ST13: variants seen among roughly 807,000 people sequenced by gnomAD.
ST13 encodes hsc70-interacting protein.
A neutral mutation model predicts 56.7 loss-of-function variants in ST13; 23 were observed. The ratio of observed to expected loss-of-function variants is 0.41; its 90% CI spans 0.29 to 0.57. The LOEUF is 0.57. Among genes scored for constraint, ST13 ranks in the 20% least tolerant of loss-of-function variants. The probability of loss-of-function intolerance (pLI) is 0.36; values close to 1 mark genes in which losing one functional copy is unlikely to be tolerated. For missense variants in ST13, 369 were observed against 459.9 expected, an observed-to-expected ratio of 0.80 and a Z score of 1.81; for synonymous variants, 132 against 142.4, an observed-to-expected ratio of 0.93 and a Z score of 0.52.
At chr22:40,842,429 G>C (rs138205853) in intron 4 of ST13, among the ~76,000 whole-genome samples, 1 of 152,168 alleles carries the variant, frequency 6.6e-6, no homozygotes, top group Non-Finnish European at 1.5e-5. Context: ...TTCTGAAAAT[G>C]AGTAAAGAGC....
At chr22:40,839,879 A>G (rs2057794756) in intron 5 of ST13, among the ~76,000 whole-genome samples, 1 of 152,028 alleles carries the variant, frequency 6.6e-6, no homozygotes, top group Admixed American at 6.5e-5. Context: ...GGCTGGGCGC[A>G]GTGGTTCATG....
intron 5 of ST13, among the ~76,000 whole-genome samples, chr22:40,838,748 AAGACTCTG>A (rs1454697768): frequency 6.6e-6 from 1 of 152,146 alleles, no homozygotes; most frequent in East Asian, 1.9e-4. Flanking sequence ...GTGGCAGAGT[AAGACTCTG>A]TCTCTTAAAA....
chr22:40,839,740 C>T (rs115344452), intron 5 of ST13, among the ~76,000 whole-genome samples: 2,041 of 150,644 alleles, frequency 0.014, 41 homozygotes, highest in African/African-American at 0.047. Flanking sequence ...CCAGCCTGGA[C>T]GACAAAGCAC....
At chr22:40,828,389 G>C (rs11703643) in intron 10 of ST13, among the ~76,000 whole-genome samples, 68,164 of 150,772 alleles carry the variant, frequency 0.45, 16,125 homozygotes, top group Admixed American at 0.63. Context: ...CAGATCACGA[G>C]GTCAGGAGAT....
At position 40,844,917 on chromosome 22, in the gene ST13, A is replaced by G. The variant is rs1219099353; in HGVS notation, c.245-8T>C. The G allele has an allele frequency of 1.2e-6, 2 of 1,609,752 alleles. No individual in the cohort carries two copies. The highest frequency in any genetic ancestry group is 1.7e-6 in the Non-Finnish European group (2 of 1,177,370). On this transcript the variant is annotated splice_polypyrimidine_tract_variant and splice_region_variant and intron_variant, in intron 3 of 11. Coordinates refer to ENST00000216218, the MANE Select transcript of ST13 (RefSeq NM_003932.5). Reference sequence around the variant, plus strand: ...CACCTTCTTTATCAATTTCTGCCAAAGTCGAGAAAATGACAATAAGACCTG... The same window carrying G: ...CACCTTCTTTATCAATTTCTGCCAAGGTCGAGAAAATGACAATAAGACCTG...
intron 8 of ST13, among the ~76,000 whole-genome samples, chr22:40,831,283 T>G (rs2145733343): frequency 6.6e-6 from 1 of 152,330 alleles, no homozygotes; most frequent in African/African-American, 2.4e-5. Context: ...AGTGTTTAGG[T>G]TTCAGACGGA....
rs187164711 is a variant in ST13, at chr22:40,832,388, G to T, written c.681+181C>A. 3.3e-5 allele frequency among the ~76,000 whole-genome samples: 5 copies of T among 152,334 alleles called. No individual in the cohort carries two copies. The East Asian group carries it at 9.6e-4, about 29-fold the overall frequency. The stretch of plus-strand genomic sequence containing the variant: ...TTTGCTCTAATAATGCATGAGAAAT[G>T]AAAGCATGAAAACCTAATGAGATCT... On this transcript the variant is annotated intron_variant, in intron 8 of 11. Coordinates refer to ENST00000216218, the MANE Select transcript of ST13 (RefSeq NM_003932.5).
At position 40,832,662 on chromosome 22, in the gene ST13, G is replaced by A. The variant is rs1443899599; in HGVS notation, c.588C>T (p.Gly196=). Residue 196 remains glycine (G), a synonymous_variant, in exon 8 of 12, where the codon GGC becomes GGT. Transcript: ENST00000216218. ...GATCATGGGCTGCTTCTTCCCAGTG[G>A]CCTAGAAGTCTGAAACAGATTTACA... The part of the protein sequence containing the change: ...KWRGKAHRLL[G]HWEEAAHDLA... The A allele has an allele frequency of 1.3e-6, 2 of 1,599,606 alleles. No homozygotes were observed. Among genetic ancestry groups the A allele is most frequent in the Non-Finnish European group, 8.5e-7 (1 of 1,179,278 alleles).
rs1209696763 is a variant in ST13 at position 40,826,731 on chromosome 22, A to C, written c.982-65T>G. ...ACTGGGTCAGTAAGTTTATTATCCT[A>C]AATTCCATCTCTTATTTAGACCTGT... On this transcript the variant is annotated intron_variant, in intron 11 of 11. Transcript: ENST00000216218. The C allele has an allele frequency of 1.0e-5, 16 of 1,565,528 alleles. No individual in the cohort carries two copies. In the East Asian group the frequency reaches 1.6e-4, roughly 15 times the overall value.
intron 7 of ST13, among the ~76,000 whole-genome samples, chr22:40,833,169 T>G (rs1375862257): frequency 6.6e-6 from 1 of 152,222 alleles, no homozygotes; most frequent in Non-Finnish European, 1.5e-5. Flanking sequence ...GGTATACCTT[T>G]TAACTCAGGT....
At chr22:40,851,028 T>C in intron 1 of ST13, 148 bp from the exon 2 acceptor site, 1 of 606,178 alleles carries the variant, frequency 1.6e-6, no homozygotes, top group South Asian at 2.4e-5. Context: ...CTGAATGCTG[T>C]GGTATTATTA....
intron 4 of ST13, among the ~76,000 whole-genome samples, chr22:40,844,027 C>T (rs987120123): frequency 3.3e-5 from 5 of 151,928 alleles, no homozygotes; most frequent in South Asian, 2.1e-4. Flanking sequence ...GGATTACAGG[C>T]GTGCACCATC....
chr22:40,829,705 T>A (rs763159529), intron 9 of ST13, 31 bp from the exon 10 acceptor site: 1 of 1,327,286 alleles, frequency 7.5e-7, no homozygotes, highest in African/African-American at 1.5e-5. Context: ...AATTATATAA[T>A]AGAAGAAGAA....
At chr22:40,856,170 G>T (rs750388864) in intron 1 of ST13, among the ~76,000 whole-genome samples, 1 of 152,168 alleles carries the variant, frequency 6.6e-6, no homozygotes, top group Non-Finnish European at 1.5e-5. Context: ...CGCATCCGCA[G>T]TCCTGTTTTT....
intron 1 of ST13, among the ~76,000 whole-genome samples, chr22:40,853,766 A>C (rs1209513375): frequency 6.6e-6 from 1 of 152,220 alleles, no homozygotes; most frequent in Non-Finnish European, 1.5e-5. Context: ...GCCATGTGCC[A>C]CGTACTGTAC....
chr22:40,843,694 C>CA (rs2057815998), intron 4 of ST13, among the ~76,000 whole-genome samples: 1 of 152,042 alleles, frequency 6.6e-6, no homozygotes, highest in African/African-American at 2.4e-5. Flanking sequence ...AGATGAGTCA[C>CA]AAACTAGCAG....
chr22:40,853,511 G>A (rs979909121), intron 1 of ST13, among the ~76,000 whole-genome samples: 97 of 152,154 alleles, frequency 6.4e-4, no homozygotes, highest in African/African-American at 2.3e-3. Context: ...GCCAAAAACT[G>A]CCACTTAGAC....
rs2145728284 is a variant in ST13 at position 40,824,959 on chromosome 22, G to C, written c.*1579C>G. ...TGGTATTTTAGAAATGTACTCCATA[G>C]AATTTACTTCACTGCTCCTACCACT... is the stretch of plus-strand genomic sequence containing the variant. On this transcript the variant is annotated 3_prime_UTR_variant, in exon 12 of 12. Transcript: ENST00000216218. The C allele has an allele frequency of 6.6e-6, 1 of 152,246 alleles. No homozygotes were observed. The highest frequency in any genetic ancestry group is 2.4e-5 in the African/African-American group (1 of 41,560). 9.4% of individuals were successfully genotyped at this position (152,246 alleles called of 1,614,324 possible).
intron 3 of ST13, among the ~76,000 whole-genome samples, chr22:40,846,982 G>C (rs940230477): frequency 6.6e-6 from 1 of 151,782 alleles, no homozygotes; most frequent in African/African-American, 2.4e-5. Flanking sequence ...GTGGCAGAGC[G>C]AAACTCAAGT....
Sources: allele counts gnomAD v4.1 joint callset (sites outside exome capture counted in the v4.1 genomes callset), GRCh38; gene constraint gnomAD v4.1.1; transcripts MANE v1.5; gene names NCBI Gene and HGNC (gene_info 2026-07-23, HGNC 2026-07-21).